The following SPAG16 variants were observed in gnomAD, a reference collection of about 807,000 sequenced individuals.
The protein encoded by SPAG16 is sperm associated antigen 16, also known as sperm-associated antigen 16 protein.
SPAG16 carries 86 observed loss-of-function variants against 80.4 expected under a neutral mutation model. The ratio of observed to expected loss-of-function variants is 1.07; its 90% CI spans 0.90 to 1.28. The LOEUF is 1.28. SPAG16 is among the 50% of genes most tolerant of loss of function. SPAG16 has a pLI of 0.00. For missense variants in SPAG16, 870 were observed against 765.3 expected (o/e 1.14, Z -1.61); for synonymous variants, 294 against 265.9 (o/e 1.11, Z -1.03).
intron 11 of SPAG16, among the ~76,000 whole-genome samples, chr2:213,878,609 G>C (rs969284983): frequency 2.6e-5 from 4 of 152,064 alleles, no homozygotes; most frequent in African/African-American, 9.7e-5. Flanking sequence ...CAGGTTGCCT[G>C]TATACTCTGT....
chr2:213,347,715 C>A (rs1167339094), intron 6 of SPAG16, among the ~76,000 whole-genome samples: 18 of 152,196 alleles, frequency 1.2e-4, no homozygotes, highest in Admixed American at 1.0e-3. Flanking sequence ...TTTCTTAATC[C>A]TGAGTTCTAG....
chr2:213,778,252 T>G (rs1156722599), intron 10 of SPAG16, among the ~76,000 whole-genome samples: 2 of 152,132 alleles, frequency 1.3e-5, no homozygotes, highest in Non-Finnish European at 2.9e-5. Context: ...ATTCTTAGTT[T>G]AACATATATA....
chr2:214,352,570 G>GTGTGTGTGTGTGTGTGTGTA (rs1370494621), intron 15 of SPAG16, among the ~76,000 whole-genome samples: 1 of 60,072 alleles, frequency 1.7e-5, no homozygotes, highest in South Asian at 1.1e-3. Flanking sequence ...GTGTGTGTGT[G>GTGTGTGTGTGTGTGTGTGTA]TGTGTATGTG....
At chr2:213,959,035 C>G (rs6725524) in intron 12 of SPAG16, among the ~76,000 whole-genome samples, 83,001 of 151,950 alleles carry the variant, frequency 0.55, 24,396 homozygotes, top group South Asian at 0.78. Flanking sequence ...TAAGAAAGTT[C>G]GTTGACGGTT....
At chr2:213,572,198 T>A (rs1371446064) in intron 10 of SPAG16, among the ~76,000 whole-genome samples, 1 of 88,136 alleles carries the variant, frequency 1.1e-5, no homozygotes, top group East Asian at 2.8e-4. Context: ...CTCCCGTAGC[T>A]CAGAGTAATT....
intron 15 of SPAG16, among the ~76,000 whole-genome samples, chr2:214,277,352 T>C (rs1692547866): frequency 6.6e-6 from 1 of 152,154 alleles, no homozygotes; most frequent in African/African-American, 2.4e-5. Flanking sequence ...CTGCGATAAT[T>C]TGGAGAAGAG....
chr2:214,267,080 A>G (rs915982636), intron 15 of SPAG16, among the ~76,000 whole-genome samples: 2 of 151,886 alleles, frequency 1.3e-5, no homozygotes, highest in African/African-American at 2.4e-5. Context: ...GAAATAGAAA[A>G]AAAAATCCTA....
At chr2:213,710,883 A>G (rs1466738026) in intron 10 of SPAG16, among the ~76,000 whole-genome samples, 1 of 152,220 alleles carries the variant, frequency 6.6e-6, no homozygotes, top group Non-Finnish European at 1.5e-5. Context: ...CTCATTTACT[A>G]ATGAGCATAT....
chr2:213,875,723 A>C (rs2076117550), intron 11 of SPAG16, among the ~76,000 whole-genome samples: 1 of 152,174 alleles, frequency 6.6e-6, no homozygotes, highest in African/African-American at 2.4e-5. Flanking sequence ...CCAAATGTGT[A>C]AGAACCAAGA....
intron 10 of SPAG16, among the ~76,000 whole-genome samples, chr2:213,814,900 C>G (rs1032530438): frequency 1.3e-5 from 2 of 150,188 alleles, no homozygotes; most frequent in African/African-American, 5.0e-5. Context: ...TCCATAGCTT[C>G]TAAATACATG....
intron 14 of SPAG16, among the ~76,000 whole-genome samples, chr2:214,111,672 A>T (rs1045224794): frequency 1.3e-5 from 2 of 152,148 alleles, no homozygotes; most frequent in Non-Finnish European, 2.9e-5. Context: ...GAAGAAAGTC[A>T]TTGGTAGCTT....
intron 15 of SPAG16, among the ~76,000 whole-genome samples, chr2:214,287,849 A>C (rs999981548): frequency 5.3e-5 from 8 of 152,354 alleles, no homozygotes; most frequent in Non-Finnish European, 1.0e-4. Flanking sequence ...ACATATGTAG[A>C]ATAGGTAATG....
At chr2:213,892,469 TA>T (rs1359401759) in intron 11 of SPAG16, among the ~76,000 whole-genome samples, 4 of 151,906 alleles carry the variant, frequency 2.6e-5, no homozygotes, top group African/African-American at 9.7e-5. Context: ...AACAAGGAAT[TA>T]ATAAGTGACT....
chr2:214,130,999 C>T lies in SPAG16; in HGVS notation c.1594-18141C>T, dbSNP rs182875624. 3.9e-5 allele frequency among the ~76,000 whole-genome samples: 6 copies of T among 152,310 alleles called. No homozygotes were observed. The East Asian group carries it at 1.2e-3, about 29-fold the overall frequency. ...TCCACTAATTTTGCATCGTATTTGG[C>T]AGCCAGGAAGTTGGGCCAGTCTATA... On this transcript the variant is annotated intron_variant, in intron 14 of 15. Coordinates refer to ENST00000331683, the MANE Select transcript of SPAG16 (RefSeq NM_024532.5).
rs546268721 is a variant in SPAG16, at chr2:213,749,020, G to A, written c.1071-113465G>A. On this transcript the variant is annotated intron_variant, in intron 10 of 15. Transcript: ENST00000331683. Reference sequence around the variant, plus strand: ...AAGTTAGCTGGGCATGGTGGCGGGCGCCTGTAGTCCCAGCTACTCAGGAGG... The same window carrying A: ...AAGTTAGCTGGGCATGGTGGCGGGCACCTGTAGTCCCAGCTACTCAGGAGG... 2.4e-4 allele frequency among the ~76,000 whole-genome samples: 36 copies of A among 152,076 alleles called. No individual in the cohort carries two copies. In the South Asian group the frequency reaches 2.9e-3, roughly 12 times the overall value.
At chr2:213,441,243 G>A (rs952205944) in intron 9 of SPAG16, among the ~76,000 whole-genome samples, 1 of 152,056 alleles carries the variant, frequency 6.6e-6, no homozygotes, top group Non-Finnish European at 1.5e-5. Flanking sequence ...ATACACATTG[G>A]TAACACCCCA....
chr2:213,590,291 A>G (rs2124916080), intron 10 of SPAG16, among the ~76,000 whole-genome samples: 1 of 152,254 alleles, frequency 6.6e-6, no homozygotes, highest in South Asian at 2.1e-4. Context: ...TGGGCTTCTA[A>G]TGCTCTCATT....
At chr2:214,205,684 G>A (rs1205637083) in intron 15 of SPAG16, among the ~76,000 whole-genome samples, 1 of 152,008 alleles carries the variant, frequency 6.6e-6, no homozygotes, top group African/African-American at 2.4e-5. Context: ...TGCTAAATTA[G>A]GCTATATATG....
At chr2:213,616,480 CACCCTGAAAAGATGTA>C (rs1344642805) in intron 10 of SPAG16, among the ~76,000 whole-genome samples, 2 of 152,164 alleles carry the variant, frequency 1.3e-5, no homozygotes, top group Non-Finnish European at 2.9e-5. Context: ...TGTTATTAGG[CACCCTGAAAAGATGTA>C]ACCCTGAGCA....
Sources: gnomAD v4.1 joint callset for allele counts (sites outside exome capture counted in the v4.1 genomes callset) on GRCh38, gnomAD v4.1.1 for gene constraint, MANE v1.5 for transcripts, NCBI Gene and HGNC (gene_info 2026-07-23, HGNC 2026-07-21) for gene names.